Variants in ZFHX3 observed in about 807,000 individuals in gnomAD.
ZFHX3 encodes the protein zinc finger homeobox protein 3.
A neutral mutation model predicts 279.1 loss-of-function variants in ZFHX3; 42 were observed. That is an observed-to-expected ratio of 0.15 (90% confidence interval 0.12 to 0.19). The LOEUF is 0.19. ZFHX3 is among the 10% of genes least tolerant of loss of function. ZFHX3 has a pLI of 1.00. For synonymous variants in ZFHX3, 2,293 were observed against 1,957.8 expected, an observed-to-expected ratio of 1.17 and a Z score of -4.52; for missense variants, 4,981 against 4,754.0, an observed-to-expected ratio of 1.05 and a Z score of -1.40.
chr16:73,677,061 T>C (rs565415491), intron 2 of ZFHX3, among the ~76,000 whole-genome samples: 58 of 152,150 alleles, frequency 3.8e-4, no homozygotes, highest in African/African-American at 1.4e-3. Flanking sequence ...TGGAGCTTTA[T>C]AATTAGTTAA....
rs2035341605 is a variant in ZFHX3, at chr16:72,785,772, A to AG, written c.*1391dup. On this transcript the variant is annotated 3_prime_UTR_variant, in exon 10 of 10. Transcript: ENST00000268489. ...CAAATCCTTTAGTATAGAAAAAAAAAGAATATTTGAAGCTCCTACCAAACA... is the reference window on the plus strand; with the variant it reads ...CAAATCCTTTAGTATAGAAAAAAAAAGGAATATTTGAAGCTCCTACCAAACA... 1 of 152,174 alleles carries AG rather than the reference A, an allele frequency of 6.6e-6. No homozygotes were observed. Among genetic ancestry groups the AG allele is most frequent in the Admixed American group, 6.5e-5 (1 of 15,288 alleles). The allele number at this position is 152,174 out of a possible 1,614,324, so 9.4% of individuals were successfully genotyped here. A position where few individuals can be genotyped will look rare whatever the true frequency, so the allele number is the denominator to read the frequency against.
intron 3 of ZFHX3, among the ~76,000 whole-genome samples, chr16:73,339,907 T>C (rs577679706): frequency 4.5e-4 from 68 of 152,358 alleles, no homozygotes; most frequent in Non-Finnish European, 7.5e-4. Context: ...GGCATTTATA[T>C]GATTCAGCAG....
chr16:73,717,376 TG>T (rs1413082818), intron 1 of ZFHX3, among the ~76,000 whole-genome samples: 2,997 of 152,252 alleles, frequency 0.02, 104 homozygotes, highest in African/African-American at 0.069. Context: ...ATTCCCTTTG[TG>T]CCAGAAGTTT....
In ZFHX3 at chr16:73,213,018, T is replaced by C. The variant is rs1357665689; in HGVS notation, c.-1104+44029A>G. On this transcript the variant is annotated intron_variant, in intron 5 of 17. Transcript: ENST00000641206. ...TTAATTATTAGTGTCCTTGACTCTT[T>C]TTGACTATTTCCGAGCTGGGATGGT... is the stretch of plus-strand genomic sequence containing the variant. Among the ~76,000 whole-genome samples the C allele has an allele frequency of 2.0e-5, 3 of 152,358 alleles. No homozygotes were observed. The East Asian group carries it at 5.8e-4, about 29-fold the overall frequency.
intron 5 of ZFHX3, among the ~76,000 whole-genome samples, chr16:73,192,131 G>A (rs907684987): frequency 2.0e-5 from 3 of 152,064 alleles, no homozygotes; most frequent in Admixed American, 6.6e-5. Flanking sequence ...TAGCACATGA[G>A]CCTCACTTGC....
rs1022061206 is a variant in ZFHX3 at position 72,794,834 on chromosome 16, C to T, written c.7848G>A (p.Arg2616=). 3 of 1,614,076 alleles carry T rather than the reference C, an allele frequency of 1.9e-6. No homozygotes were observed. The highest frequency in any genetic ancestry group is 2.5e-6 in the Non-Finnish European group (3 of 1,180,042). The change falls in exon 9 of 10, where the codon AGG becomes AGA. Residue 2616 remains arginine, a synonymous_variant. Coordinates refer to ENST00000268489, the MANE Select transcript of ZFHX3 (RefSeq NM_006885.4). This position sits in a 1 kb window ranked among gnomAD's most constrained non-coding sequence, Gnocchi z 4.2. The part of the protein sequence containing the change: ...TPTSTMNTLK[R]KLEEKASASP... ...TTGCACTGGCCTTTTCCTCCAGCTTCCTCTTGAGAGTGTTCATTGTGGAGG... is the reference window on the plus strand; with the variant it reads ...TTGCACTGGCCTTTTCCTCCAGCTTTCTCTTGAGAGTGTTCATTGTGGAGG...
chr16:73,115,660 G>T (rs7187836), intron 7 of ZFHX3, among the ~76,000 whole-genome samples: 85,756 of 151,926 alleles, frequency 0.56, 24,993 homozygotes, highest in Middle Eastern at 0.66. Context: ...AAGGGCAGGC[G>T]TAGGGCTAGA....
chr16:72,840,409 G>A (rs77366402), intron 4 of ZFHX3, among the ~76,000 whole-genome samples: 4,455 of 152,292 alleles, frequency 0.029, 464 homozygotes, highest in East Asian at 0.19. Flanking sequence ...AGAGATGGAG[G>A]GGCGGCCATG....
chr16:72,796,012 T>C lies in ZFHX3; in HGVS notation c.6670A>G (p.Ile2224Val), dbSNP rs1411205119. Residue 2224 changes from isoleucine to valine, a missense_variant, in exon 9 of 10, where the codon ATT becomes GTT. Around this residue, in one of 7 missense-constraint regions of ZFHX3, gnomAD observed 177 missense variants for 244.2 expected, o/e 0.72. Coordinates refer to ENST00000268489, the MANE Select transcript of ZFHX3 (RefSeq NM_006885.4). Reference sequence around the variant, plus strand: ...TCCGGCGAAGGGGGCCGGGAGTCAATCTTGAGCTCCTCCAGGCTGGTGATA... The same window carrying C: ...TCCGGCGAAGGGGGCCGGGAGTCAACCTTGAGCTCCTCCAGGCTGGTGATA... ...PPITSLEELK[I>V]DSRPPSPEPP... 2.5e-6 allele frequency: 4 copies of C among 1,613,976 alleles called. No individual in the cohort carries two copies. The highest frequency in any genetic ancestry group is 1.3e-5 in the African/African-American group (1 of 74,884).
chr16:73,149,190 A>G (rs1462673073), intron 5 of ZFHX3, among the ~76,000 whole-genome samples: 1 of 135,660 alleles, frequency 7.4e-6, no homozygotes, highest in Non-Finnish European at 1.6e-5. Context: ...AATATATTTT[A>G]CTTTATATTA....
intron 7 of ZFHX3, among the ~76,000 whole-genome samples, chr16:73,128,211 A>C (rs1394595814): frequency 6.6e-6 from 1 of 152,198 alleles, no homozygotes; most frequent in Non-Finnish European, 1.5e-5. Context: ...TGTCTCTACC[A>C]GTTGTTACTA....
intron 1 of ZFHX3, among the ~76,000 whole-genome samples, chr16:73,026,931 C>A (rs745492612): frequency 1.3e-5 from 2 of 152,130 alleles, no homozygotes; most frequent in Non-Finnish European, 2.9e-5. Flanking sequence ...CTAGGGTTGG[C>A]AAACTTTTCC....
intron 3 of ZFHX3, among the ~76,000 whole-genome samples, chr16:72,899,362 C>A (rs1224568188): frequency 6.6e-6 from 1 of 152,160 alleles, no homozygotes; most frequent in Non-Finnish European, 1.5e-5. Flanking sequence ...CCCACTCCTT[C>A]ACTCTGCACT....
chr16:73,803,619 A>C (rs1214581184), intron 1 of ZFHX3, among the ~76,000 whole-genome samples: 1 of 152,200 alleles, frequency 6.6e-6, no homozygotes, highest in Non-Finnish European at 1.5e-5. Context: ...TGTTTGAAAA[A>C]TCTTGATTCA....
At chr16:73,732,937 A>G (rs1235015852) in intron 1 of ZFHX3, among the ~76,000 whole-genome samples, 1 of 152,192 alleles carries the variant, frequency 6.6e-6, no homozygotes, top group East Asian at 1.9e-4. Flanking sequence ...CCTGTCATGG[A>G]TCATATAGAA....
chr16:72,925,029 G>T (rs1351935571), intron 3 of ZFHX3, among the ~76,000 whole-genome samples: 2 of 152,202 alleles, frequency 1.3e-5, no homozygotes, highest in African/African-American at 4.8e-5. Flanking sequence ...GGTTTGGGAA[G>T]GCCTTACAAC....
At chr16:72,829,170 T>C (rs2037004788) in intron 5 of ZFHX3, among the ~76,000 whole-genome samples, 1 of 95,852 alleles carries the variant, frequency 1.0e-5, no homozygotes, top group Admixed American at 1.5e-4. Flanking sequence ...ACACCCAGCA[T>C]TTTTTTTTTT....
chr16:73,651,399 T>C (rs1332238291), intron 2 of ZFHX3, among the ~76,000 whole-genome samples: 1 of 151,880 alleles, frequency 6.6e-6, no homozygotes, highest in Non-Finnish European at 1.5e-5. Context: ...GAAACAACTG[T>C]CCACAGGTTC....
At chr16:73,764,345 T>C (rs188649374) in intron 1 of ZFHX3, among the ~76,000 whole-genome samples, 51 of 152,216 alleles carry the variant, frequency 3.4e-4, no homozygotes, top group Admixed American at 3.2e-3. Context: ...ATCTTTTTTA[T>C]ATAAAATTAA....
Sources: gnomAD v4.1 joint callset for allele counts (sites outside exome capture counted in the v4.1 genomes callset) on GRCh38, gnomAD v4.1.1 for gene constraint, gnomAD v4.1.1 regional missense constraint, Gnocchi (gnomAD v3.1) non-coding constraint, MANE v1.5 for transcripts, NCBI Gene and HGNC (gene_info 2026-07-23, HGNC 2026-07-21) for gene names.